Variants in EPHB1 observed in about 807,000 individuals in gnomAD.
EPHB1 encodes ephrin type-B receptor 1.
A neutral mutation model predicts 94.4 loss-of-function variants in EPHB1; 30 were observed. The ratio of observed to expected loss-of-function variants is 0.32; its 90% CI spans 0.24 to 0.43. EPHB1 has a LOEUF of 0.43. Ranked by LOEUF, EPHB1 falls within the 20% of genes least tolerant of loss-of-function variation. EPHB1 has a pLI of 1.00. For missense variants in EPHB1, 1,055 were observed against 1,308.3 expected (o/e 0.81, Z 2.99); for synonymous variants, 522 against 489.1 (o/e 1.07, Z -0.89).
chr3:134,953,290 G>A (rs998097624), intron 3 of EPHB1, among the ~76,000 whole-genome samples: 1 of 152,230 alleles, frequency 6.6e-6, no homozygotes, highest in Admixed American at 6.5e-5. Context: ...TCAGCTAATT[G>A]CCTGGGCCAG....
intron 13 of EPHB1, among the ~76,000 whole-genome samples, chr3:135,242,478 C>T (rs781620479): frequency 6.6e-6 from 1 of 152,156 alleles, no homozygotes; most frequent in Non-Finnish European, 1.5e-5. Flanking sequence ...AGAAAGGTGG[C>T]AACTTCCCAG....
At chr3:135,114,816 ATTTTATTACTATTATCAGAG>A (rs1038809009) in intron 4 of EPHB1, among the ~76,000 whole-genome samples, 1 of 152,066 alleles carries the variant, frequency 6.6e-6, no homozygotes, top group African/African-American at 2.4e-5. Flanking sequence ...AAGCTATTTG[ATTTTATTACTATTATCAGAG>A]TTGTCTACCC....
chr3:135,190,713 T>C (rs1182706466), intron 10 of EPHB1, among the ~76,000 whole-genome samples: 1 of 152,270 alleles, frequency 6.6e-6, no homozygotes, highest in Non-Finnish European at 1.5e-5. Flanking sequence ...CAAATTCAAA[T>C]AGTGGTACTT....
intron 9 of EPHB1, among the ~76,000 whole-genome samples, chr3:135,173,595 G>T (rs1026967922): frequency 3.9e-5 from 6 of 152,178 alleles, no homozygotes; most frequent in Non-Finnish European, 8.8e-5. Context: ...ACCACCCAGT[G>T]TCCTGGTCTT....
intron 1 of EPHB1, among the ~76,000 whole-genome samples, chr3:134,835,351 T>G (rs939595290): frequency 3.3e-5 from 5 of 152,218 alleles, no homozygotes; most frequent in East Asian, 1.9e-4. Flanking sequence ...TGGTAGTAGA[T>G]TCTGTATTCC....
chr3:135,189,550 C>G (rs551920687), intron 10 of EPHB1, among the ~76,000 whole-genome samples: 4 of 152,370 alleles, frequency 2.6e-5, no homozygotes, highest in Admixed American at 2.6e-4. Context: ...TTGCACCGTG[C>G]TCTGCAAATT....
At chr3:135,130,128 G>T (rs1940368352) in intron 4 of EPHB1, among the ~76,000 whole-genome samples, 1 of 152,180 alleles carries the variant, frequency 6.6e-6, no homozygotes, top group African/African-American at 2.4e-5. Flanking sequence ...CAGAAGCAAT[G>T]TTGGAGAATT....
intron 11 of EPHB1, among the ~76,000 whole-genome samples, chr3:135,198,278 C>A (rs757836400): frequency 2.6e-5 from 4 of 152,202 alleles, no homozygotes; most frequent in Non-Finnish European, 5.9e-5. Flanking sequence ...AAACCCACAC[C>A]GTGATTTAAG....
At chr3:134,995,364 A>G (rs1229573320) in intron 3 of EPHB1, among the ~76,000 whole-genome samples, 3 of 152,124 alleles carry the variant, frequency 2.0e-5, no homozygotes, top group Non-Finnish European at 4.4e-5. Context: ...TATGGTATGG[A>G]TGTACTACAG....
At chr3:134,875,406 GT>G (rs2037595975) in intron 1 of EPHB1, among the ~76,000 whole-genome samples, 1 of 152,204 alleles carries the variant, frequency 6.6e-6, no homozygotes, top group Non-Finnish European at 1.5e-5. Context: ...CATGTGGGCA[GT>G]ATGAGAGGTC....
intron 3 of EPHB1, among the ~76,000 whole-genome samples, chr3:134,993,879 C>T (rs1000300713): frequency 2.6e-5 from 4 of 152,198 alleles, no homozygotes; most frequent in Non-Finnish European, 5.9e-5. Context: ...CTTGGGTTTC[C>T]CCAGTTGTGA....
chr3:135,002,944 G>A (rs1437804108), intron 3 of EPHB1, among the ~76,000 whole-genome samples: 3 of 152,044 alleles, frequency 2.0e-5, no homozygotes, highest in East Asian at 1.9e-4. Flanking sequence ...AGGGTTTTTT[G>A]TGTCTCTATT....
chr3:135,167,317 A>G (rs144563444), intron 9 of EPHB1, among the ~76,000 whole-genome samples: 179 of 152,280 alleles, frequency 1.2e-3, no homozygotes, highest in African/African-American at 4.1e-3. Flanking sequence ...CTCAAATCAG[A>G]CTCAGTGGGA....
intron 9 of EPHB1, among the ~76,000 whole-genome samples, chr3:135,175,313 C>T (rs1941946424): frequency 6.6e-6 from 1 of 152,202 alleles, no homozygotes; most frequent in Non-Finnish European, 1.5e-5. Context: ...TCTTCTGCTT[C>T]AAGAACTACT....
intron 12 of EPHB1, among the ~76,000 whole-genome samples, chr3:135,236,635 T>C (rs1408230604): frequency 6.6e-6 from 1 of 152,206 alleles, no homozygotes; most frequent in African/African-American, 2.4e-5. Context: ...TCAGAGCCAT[T>C]TCATGATACA....
chr3:134,955,103 T>TTTTTTTTA (rs1559770507), intron 3 of EPHB1, among the ~76,000 whole-genome samples: 14 of 44,508 alleles, frequency 3.1e-4, no homozygotes, highest in Admixed American at 5.9e-4. Context: ...TTTTTTTTTT[T>TTTTTTTTA]AATTTTTTTT....
At chr3:135,154,365 G>C in intron 6 of EPHB1, 89 bp downstream of exon 6, 1 of 1,561,830 alleles carries the variant, frequency 6.4e-7, no homozygotes, top group Non-Finnish European at 8.7e-7. Context: ...AAGGAGATAG[G>C]CTGCTGAGGT....
intron 12 of EPHB1, among the ~76,000 whole-genome samples, chr3:135,204,523 G>C (rs1484188405): frequency 6.6e-6 from 1 of 150,776 alleles, no homozygotes; most frequent in Non-Finnish European, 1.5e-5. Context: ...TCATTTTTTT[G>C]AGACAGAGTC....
intron 3 of EPHB1, among the ~76,000 whole-genome samples, chr3:135,021,359 T>A (rs1314758684): frequency 6.6e-6 from 1 of 152,112 alleles, no homozygotes; most frequent in Non-Finnish European, 1.5e-5. Flanking sequence ...TTATTTTATA[T>A]ATTTTATTAT....
Sources: allele counts gnomAD v4.1 joint callset (sites outside exome capture counted in the v4.1 genomes callset), GRCh38; gene constraint gnomAD v4.1.1; transcripts MANE v1.5; gene names NCBI Gene and HGNC (gene_info 2026-07-23, HGNC 2026-07-21).